TSNARE1: variants seen among roughly 807,000 people sequenced by gnomAD.
The protein encoded by TSNARE1 is t-SNARE domain-containing protein 1.
In TSNARE1, 49 loss-of-function variants were observed where a neutral mutation model predicts 62.0. The observed-to-expected ratio is 0.79, with a 90% CI of 0.63 to 1.00. The LOEUF is 1.00. Among genes scored for constraint, TSNARE1 ranks in the 50% least tolerant of loss-of-function variants. The probability of loss-of-function intolerance (pLI) is 0.00; values close to 1 mark genes in which losing one functional copy is unlikely to be tolerated. For missense variants in TSNARE1, 755 were observed against 700.1 expected (o/e 1.08, Z -0.88); for synonymous variants, 328 against 294.4 (o/e 1.11, Z -1.17).
chr8:142,315,763 C>A (rs1049653585), intron 7 of TSNARE1, among the ~76,000 whole-genome samples: 4 of 152,256 alleles, frequency 2.6e-5, no homozygotes, highest in African/African-American at 9.6e-5. Flanking sequence ...GCACCCACCC[C>A]ATGGCTATCG....
chr8:142,363,685 A>C (rs1269832920), intron 1 of TSNARE1, among the ~76,000 whole-genome samples: 1 of 152,114 alleles, frequency 6.6e-6, no homozygotes, highest in Non-Finnish European at 1.5e-5. Context: ...TCAAGCTGTG[A>C]CTGATGTCCC....
intron 4 of TSNARE1, among the ~76,000 whole-genome samples, chr8:142,333,384 T>G (rs1831327707): frequency 6.6e-6 from 1 of 152,328 alleles, no homozygotes; most frequent in South Asian, 2.1e-4. Flanking sequence ...GTCGGTGCAG[T>G]TCTTTCAACT....
intron 4 of TSNARE1, among the ~76,000 whole-genome samples, chr8:142,340,553 G>A (rs1410262330): frequency 2.6e-5 from 4 of 152,238 alleles, no homozygotes; most frequent in Non-Finnish European, 4.4e-5. Context: ...GCATCACCAG[G>A]TTGAAGACTT....
rs925164848 is a variant in TSNARE1, at chr8:142,319,246, G to A, written c.894-612C>T. 5.9e-5 allele frequency among the ~76,000 whole-genome samples: 9 copies of A among 152,046 alleles called. No individual in the cohort carries two copies. The highest frequency in any genetic ancestry group is 4.2e-4 in the South Asian group (2 of 4,802). ...GCCCGTCTCGGGGTCAGCTCCCCTC[G>A]GAAAGCCAGCAGGAGAATCAGGGCA... On this transcript the variant is annotated intron_variant, in intron 6 of 13. Transcript: ENST00000524325. The surrounding 1 kb of genome is among the most constrained non-coding windows in gnomAD (Gnocchi z 4.9).
Position 142,345,868 on chromosome 8 carries a change from T to G in TSNARE1, c.113A>C (p.Tyr38Ser). 1 of 1,613,904 alleles carries G rather than the reference T, an allele frequency of 6.2e-7. No individual in the cohort carries two copies. The highest frequency in any genetic ancestry group is 8.5e-7 in the Non-Finnish European group (1 of 1,179,900). The stretch of plus-strand genomic sequence containing the variant: ...CGGGCAGGGGAAATGGCGGATTCCA[T>G]ACTCGGTCCAACATCTAGCGCACTC... ...PLECARCWTE[Y>S]GIRHFPCPSP... The change falls in exon 3 of 14, where the codon TAT becomes TCT. Residue 38 changes from tyrosine to serine, a missense_variant. Coordinates refer to ENST00000524325, the MANE Select transcript of TSNARE1 (RefSeq NM_145003.5).
intron 13 of TSNARE1, among the ~76,000 whole-genome samples, chr8:142,226,434 A>C (rs1816776935): frequency 6.6e-6 from 1 of 152,128 alleles, no homozygotes; most frequent in Non-Finnish European, 1.5e-5. Flanking sequence ...CTCTCAGCCC[A>C]CGCTGTCCTG....
chr8:142,354,025 A>G (rs890408861), intron 2 of TSNARE1, among the ~76,000 whole-genome samples: 33 of 152,016 alleles, frequency 2.2e-4, no homozygotes, highest in Non-Finnish European at 1.5e-4. Context: ...TGCCCACGTG[A>G]AGGGCCGGAT....
At chr8:142,237,640 G>A (rs1331243886) in intron 12 of TSNARE1, among the ~76,000 whole-genome samples, 2 of 152,230 alleles carry the variant, frequency 1.3e-5, no homozygotes, top group East Asian at 3.9e-4. Context: ...CATGCTGTGA[G>A]TGCACAGGCA....
At chr8:142,325,252 G>A (rs958114028) in intron 6 of TSNARE1, among the ~76,000 whole-genome samples, 12 of 152,176 alleles carry the variant, frequency 7.9e-5, no homozygotes, top group Non-Finnish European at 1.5e-4. Flanking sequence ...CAGGTCTACA[G>A]TTGTCAGGGT....
At chr8:142,266,460 T>A (rs571881774) in intron 12 of TSNARE1, among the ~76,000 whole-genome samples, 1 of 152,362 alleles carries the variant, frequency 6.6e-6, no homozygotes, top group South Asian at 2.1e-4. Context: ...AATGTCTGTA[T>A]TTTGCCTTTA....
intron 12 of TSNARE1, among the ~76,000 whole-genome samples, chr8:142,267,916 G>T (rs143253213): frequency 6.6e-6 from 1 of 152,218 alleles, no homozygotes; most frequent in Admixed American, 6.5e-5. Context: ...TCTCTCACAC[G>T]CTTGCTAAGA....
chr8:142,403,321 C>T (rs1230132028), upstream of TSNARE1: 2 of 152,014 alleles, frequency 1.3e-5, no homozygotes, highest in Non-Finnish European at 2.9e-5. Context: ...GTCGGCTGGG[C>T]CAAGAGGCCT....
intron 6 of TSNARE1, among the ~76,000 whole-genome samples, chr8:142,320,419 C>CT (rs1195244392): frequency 2.0e-5 from 3 of 150,584 alleles, no homozygotes; most frequent in Non-Finnish European, 4.4e-5. Context: ...CACCACCCTC[C>CT]TGTACCTCCG....
chr8:142,363,286 T>C (rs1341396412), intron 1 of TSNARE1, among the ~76,000 whole-genome samples: 1 of 152,186 alleles, frequency 6.6e-6, no homozygotes, highest in Non-Finnish European at 1.5e-5. Context: ...TAGCTCAGTA[T>C]GGAGGCTGCT....
chr8:142,289,780 C>T (rs1823440337), intron 10 of TSNARE1, among the ~76,000 whole-genome samples: 1 of 152,226 alleles, frequency 6.6e-6, no homozygotes, highest in African/African-American at 2.4e-5. Flanking sequence ...GGGGATTCTC[C>T]TTCGTCCTGG....
rs58755110 is a variant in TSNARE1 at position 142,311,290 on chromosome 8, G to GTTTTTTTTTTTTTTT, written c.1131+3079_1131+3093dup. Among the ~76,000 whole-genome samples, 37 of 57,348 alleles carry GTTTTTTTTTTTTTTT rather than the reference G, an allele frequency of 6.5e-4. 3 individuals are homozygous for GTTTTTTTTTTTTTTT. Among genetic ancestry groups the GTTTTTTTTTTTTTTT allele is most frequent in the African/African-American group, 1.7e-3 (18 of 10,732 alleles). The allele number at this position is 57,348 out of a possible 152,430, so 37.6% of individuals were successfully genotyped here. On this transcript the variant is annotated intron_variant, in intron 9 of 13. Transcript: ENST00000524325. ...CGATTCTCCTGCCTCAGCCTCTCTA[G>GTTTTTTTTTTTTTTT]TTTTTTTTTTTTTTTTTTTTTTTTG...
At chr8:142,355,773 G>A (rs1834680200) in intron 1 of TSNARE1, among the ~76,000 whole-genome samples, 1 of 152,234 alleles carries the variant, frequency 6.6e-6, no homozygotes, top group Non-Finnish European at 1.5e-5. Context: ...AGGTTTCAGA[G>A]CAAAGTGAGC....
intron 1 of TSNARE1, among the ~76,000 whole-genome samples, chr8:142,376,064 G>A (rs1355491423): frequency 1.3e-5 from 2 of 152,304 alleles, no homozygotes; most frequent in East Asian, 1.9e-4. Flanking sequence ...CAGCAGAGTC[G>A]GTGGACACTG....
chr8:142,274,812 CG>C lies in TSNARE1; in HGVS notation c.1414del (p.Arg472AlafsTer82), dbSNP rs781174002. 3.8e-6 allele frequency: 6 copies of C among 1,578,896 alleles called. No individual in the cohort carries two copies. In the Admixed American group the frequency reaches 7.1e-5, roughly 19 times the overall value. ...CCGGCTGGCTCCAGCCAGGAGCTGG[CG>C]GGCTGCCTCCGCATGCGAGGACGCA... Reference protein sequence around the residue: ...EAASSHAEAARQLLAGASRHQ... With the variant: ...EAASSHAEAAXQLLAGASRHQ... On this transcript the variant is annotated frameshift_variant, in exon 12 of 14. Coordinates refer to ENST00000524325, the MANE Select transcript of TSNARE1 (RefSeq NM_145003.5). LOFTEE classifies it high-confidence loss of function.
Sources: gnomAD v4.1 joint callset for allele counts (sites outside exome capture counted in the v4.1 genomes callset) on GRCh38, gnomAD v4.1.1 for gene constraint, Gnocchi (gnomAD v3.1) non-coding constraint, MANE v1.5 for transcripts, NCBI Gene and HGNC (gene_info 2026-07-23, HGNC 2026-07-21) for gene names.